GTF2I: variants seen among roughly 807,000 people sequenced by gnomAD.
GTF2I encodes general transcription factor II-I.
Under a neutral mutation model 67.6 loss-of-function variants are expected in GTF2I, and 12 were observed. That is an observed-to-expected ratio of 0.18 (90% CI 0.11 to 0.29). GTF2I has a LOEUF of 0.29. Among genes scored for constraint, GTF2I ranks in the 10% least tolerant of loss-of-function variants. The pLI, the probability that GTF2I is intolerant of heterozygous loss-of-function variation, is 1.00. For synonymous variants in GTF2I, 149 were observed against 197.0 expected, an observed-to-expected ratio of 0.76 and a Z score of 2.04; for missense variants, 271 against 580.1, an observed-to-expected ratio of 0.47 and a Z score of 5.47.
chr7:74,728,214 A>G (rs1794112609), intron 12 of GTF2I: 1 of 152,408 alleles, frequency 6.6e-6, no homozygotes, highest in Non-Finnish European at 1.5e-5. Flanking sequence ...AGGCATGAGA[A>G]TCGCTTGAGC....
chr7:74,704,299 T>TTTA (rs1554400693), intron 6 of GTF2I, among the ~76,000 whole-genome samples: 3 of 151,564 alleles, frequency 2.0e-5, no homozygotes, highest in East Asian at 1.9e-4. Context: ...TTTATTTTTT[T>TTTA]ATTTATTTTG....
intron 12 of GTF2I, among the ~76,000 whole-genome samples, chr7:74,721,514 A>G (rs1368608717): frequency 6.6e-6 from 1 of 152,062 alleles, no homozygotes; most frequent in Admixed American, 6.5e-5. Context: ...TCATATGTGC[A>G]TATACACACA....
intron 14 of GTF2I, among the ~76,000 whole-genome samples, chr7:74,731,439 A>T (rs1395150574): frequency 2.0e-5 from 3 of 146,864 alleles, no homozygotes; most frequent in Admixed American, 6.8e-5. Flanking sequence ...TAATGAATTC[A>T]GTAACTTTTC....
intron 1 of GTF2I, among the ~76,000 whole-genome samples, chr7:74,673,971 G>A (rs1308171047): frequency 2.6e-5 from 4 of 151,736 alleles, no homozygotes; most frequent in East Asian, 1.9e-4. Flanking sequence ...GAGCCACCGC[G>A]CCTGGCATAA....
chr7:74,664,076 GC>G (rs1804757970), intron 1 of GTF2I, among the ~76,000 whole-genome samples: 1 of 152,118 alleles, frequency 6.6e-6, no homozygotes, highest in South Asian at 2.1e-4. Flanking sequence ...TGATCTGCCC[GC>G]CTTGGCCTCC....
At chr7:74,697,349 C>T (rs1789025647) in intron 3 of GTF2I, among the ~76,000 whole-genome samples, 1 of 151,936 alleles carries the variant, frequency 6.6e-6, no homozygotes, top group Non-Finnish European at 1.5e-5. Context: ...GAGCCACGAT[C>T]GTGCCACTGC....
chr7:74,708,389 A>T (rs12672029), intron 8 of GTF2I, among the ~76,000 whole-genome samples: 90,790 of 151,912 alleles, frequency 0.6, 29,246 homozygotes, highest in East Asian at 0.9. Context: ...GGTTTTTTTT[A>T]AGGAACAATT....
intron 1 of GTF2I, among the ~76,000 whole-genome samples, chr7:74,681,434 CAAAAATAAAAAAAAAGAA>C (rs1787259705): frequency 6.9e-6 from 1 of 145,118 alleles, no homozygotes; most frequent in African/African-American, 2.6e-5. Flanking sequence ...GACTCTGTCT[CAAAAATAAAAAAAAAGAA>C]AAAAAGAAAA....
In GTF2I at chr7:74,716,877, G is replaced by A; in HGVS notation, c.824-17G>A. 6.4e-7 allele frequency: 1 copy of A among 1,566,374 alleles called. No homozygotes were observed. The highest frequency in any genetic ancestry group is 8.8e-7 in the Non-Finnish European group (1 of 1,140,322). ...AGTTTTTATTGGTTTATTATATGTTGTTTATTTTCTTTTTAGGAAGCCACC... is the reference window on the plus strand; with the variant it reads ...AGTTTTTATTGGTTTATTATATGTTATTTATTTTCTTTTTAGGAAGCCACC... On this transcript the variant is annotated splice_polypyrimidine_tract_variant and intron_variant, in intron 10 of 34. Coordinates refer to ENST00000573035, the MANE Select transcript of GTF2I (RefSeq NM_032999.4).
In GTF2I at chr7:74,689,194, G is replaced by A. The variant is rs139725334; in HGVS notation, c.66G>A (p.Val22=). The change falls in exon 2 of 35, where the codon GTG becomes GTA. Residue 22 remains valine (V), a synonymous_variant. Transcript: ENST00000573035. ...AGGAGTCCTCGGAGAGCAGGATGGT[G>A]GTGACATTCCTCATGTCAGCTCTCG... ...EDEESSESRM[V]VTFLMSALES... is the part of the protein sequence containing the mutation. 4.9e-4 allele frequency: 796 copies of A among 1,611,496 alleles called. No individual in the cohort carries two copies. Among genetic ancestry groups the A allele is most frequent in the Non-Finnish European group, 6.6e-4 (781 of 1,177,996 alleles).
At chr7:74,695,468 G>A (rs1396323581) in intron 3 of GTF2I, among the ~76,000 whole-genome samples, 1 of 152,152 alleles carries the variant, frequency 6.6e-6, no homozygotes, top group African/African-American at 2.4e-5. Context: ...TGGTGATTTG[G>A]AAATGAACCT....
chr7:74,706,307 A>G (rs1297265680), intron 7 of GTF2I, 83 bp from the exon 8 acceptor site: 6 of 1,161,502 alleles, frequency 5.2e-6, no homozygotes, highest in African/African-American at 3.0e-5. Context: ...GGATCTTAAC[A>G]CTTTGAGACC....
chr7:74,723,695 T>C (rs1427068061), intron 12 of GTF2I, among the ~76,000 whole-genome samples: 2 of 151,688 alleles, frequency 1.3e-5, no homozygotes, highest in Non-Finnish European at 1.5e-5. Context: ...CCTCCCAAAG[T>C]GCTAGGATTA....
At chr7:74,698,656 C>G (rs1403840038) in intron 3 of GTF2I, among the ~76,000 whole-genome samples, 1 of 151,986 alleles carries the variant, frequency 6.6e-6, no homozygotes, top group African/African-American at 2.4e-5. Context: ...AAGCAATCCT[C>G]CTGCTTCAGC....
chr7:74,687,600 C>T, intron 1 of GTF2I: 2 of 950,818 alleles, frequency 2.1e-6, no homozygotes, highest in East Asian at 1.1e-4. Context: ...TCTGGGCTAG[C>T]AGTTAATTCA....
chr7:74,723,428 C>CTTTTTTTTTTTT lies in GTF2I; in HGVS notation c.943+4496_943+4507dup, dbSNP rs58149301. Among the ~76,000 whole-genome samples, 87 of 61,068 alleles carry CTTTTTTTTTTTT rather than the reference C, an allele frequency of 1.4e-3. 17 individuals are homozygous for CTTTTTTTTTTTT. The highest frequency in any genetic ancestry group is 2.7e-3 in the African/African-American group (33 of 12,112). The allele number at this position is 61,068 out of a possible 152,430, so 40.1% of individuals were successfully genotyped here. Reference sequence around the variant, plus strand: ...AGGCATAAGCCACCGCTCCCGGCCTCTTTTTTTTTTTTTTTTTTTTAAGAC... The same window carrying CTTTTTTTTTTTT: ...AGGCATAAGCCACCGCTCCCGGCCTCTTTTTTTTTTTTTTTTTTTTTTTTTTTTTTTTAAGAC... On this transcript the variant is annotated intron_variant, in intron 12 of 34. Transcript: ENST00000573035.
chr7:74,669,475 C>T (rs1157346654), intron 1 of GTF2I, among the ~76,000 whole-genome samples: 1 of 151,486 alleles, frequency 6.6e-6, no homozygotes, highest in African/African-American at 2.4e-5. Flanking sequence ...AAGTGATCCG[C>T]CCGCCTAGGC....
chr7:74,683,556 A>G (rs1173013811), intron 1 of GTF2I, among the ~76,000 whole-genome samples: 1 of 152,232 alleles, frequency 6.6e-6, no homozygotes, highest in Non-Finnish European at 1.5e-5. Context: ...TGTTGCATCT[A>G]AAAATACAGA....
chr7:74,658,559 C>T (rs1344662985), intron 1 of GTF2I, among the ~76,000 whole-genome samples: 1 of 150,326 alleles, frequency 6.7e-6, no homozygotes, highest in Non-Finnish European at 1.5e-5. Flanking sequence ...TCGCGCTCGC[C>T]TGGTGTATCT....
Sources: allele counts gnomAD v4.1 joint callset (sites outside exome capture counted in the v4.1 genomes callset), GRCh38; gene constraint gnomAD v4.1.1; transcripts MANE v1.5; gene names NCBI Gene and HGNC (gene_info 2026-07-23, HGNC 2026-07-21).